Variants in ADGRE2 observed in about 807,000 individuals in gnomAD.
The protein encoded by ADGRE2 is CD97 antigen.
In ADGRE2, 83 loss-of-function variants were observed where a neutral mutation model predicts 100.8. The ratio of observed to expected loss-of-function variants is 0.82; its 90% CI spans 0.69 to 0.99. The LOEUF is 0.99. ADGRE2 is among the 50% of genes least tolerant of loss of function. The pLI is 0.00. For synonymous variants in ADGRE2, 355 were observed against 413.0 expected (o/e 0.86, Z 1.70); for missense variants, 814 against 1,035.7 (o/e 0.79, Z 2.94).
chr19:14,768,154 G>T (rs2044061808), intron 5 of ADGRE2, among the ~76,000 whole-genome samples: 1 of 152,180 alleles, frequency 6.6e-6, no homozygotes, highest in African/African-American at 2.4e-5. Context: ...CTAGCAGGAT[G>T]GTGCTCTCCC....
At position 14,755,830 on chromosome 19, in the gene ADGRE2, G is replaced by A; in HGVS notation, c.1240C>T (p.Leu414=). 6.2e-7 allele frequency: 1 copy of A among 1,614,200 alleles called. No homozygotes were observed. The highest frequency in any genetic ancestry group is 8.5e-7 in the Non-Finnish European group (1 of 1,180,046). The stretch of plus-strand genomic sequence containing the variant: ...TCCAGGACCAGAGGGGCCTCAGCCA[G>A]CAACTTGCCCATCCCTGGAATGGAG... ...LVSIPGMGKL[L]AEAPLVLEPE... is the part of the protein sequence containing the mutation. Residue 414 remains leucine, a synonymous_variant, in exon 13 of 21, where the codon CTG becomes TTG. Coordinates refer to ENST00000315576, the MANE Select transcript of ADGRE2 (RefSeq NM_013447.4).
At chr19:14,739,455 C>T (rs912328985) in intron 20 of ADGRE2, among the ~76,000 whole-genome samples, 1 of 152,204 alleles carries the variant, frequency 6.6e-6, no homozygotes, top group South Asian at 2.1e-4. Flanking sequence ...TAATTCCCTA[C>T]ACAAAAGTAC....
chr19:14,770,683 T>C lies in ADGRE2; in HGVS notation c.355+1659A>G, dbSNP rs1371855445. 2.6e-3 allele frequency among the ~76,000 whole-genome samples: 331 copies of C among 127,488 alleles called. 24 individuals are homozygous for C. Among genetic ancestry groups the C allele is most frequent in the African/African-American group, 8.9e-3 (302 of 34,034 alleles). 83.6% of individuals were successfully genotyped at this position (127,488 alleles called of 152,430 possible). ...TTCTTTCTTTTCTTTTTTTTTTTTT[T>C]TTTTTTTTTTTTTTGAGACAAAGTC... is the stretch of plus-strand genomic sequence containing the variant. On this transcript the variant is annotated intron_variant, in intron 5 of 20. Coordinates refer to ENST00000315576, the MANE Select transcript of ADGRE2 (RefSeq NM_013447.4).
Position 14,736,158 on chromosome 19 carries a change from T to C in ADGRE2, c.*78A>G, listed in dbSNP as rs2042740708. ...TTGAAACACACAGAACAAAGTCTTT[T>C]CTTTCCCCTCTAGATGGCTCAAAGA... is the stretch of plus-strand genomic sequence containing the variant. On this transcript the variant is annotated 3_prime_UTR_variant, in exon 21 of 21. Coordinates refer to ENST00000315576, the MANE Select transcript of ADGRE2 (RefSeq NM_013447.4). 2.9e-6 allele frequency: 4 copies of C among 1,356,210 alleles called. No individual in the cohort carries two copies. In the South Asian group the frequency reaches 4.9e-5, roughly 16 times the overall value. The allele number at this position is 1,356,210 out of a possible 1,614,324, so 84.0% of individuals were successfully genotyped here.
intron 7 of ADGRE2, 37 bp from the exon 8 acceptor site, chr19:14,765,841 G>A (rs1220745263): frequency 5.6e-6 from 9 of 1,611,520 alleles, no homozygotes; most frequent in African/African-American, 2.7e-5. Context: ...TCCTGTCCCA[G>A]CCTGGAGAGG....
At chr19:14,758,218 G>C (rs567475883) in intron 11 of ADGRE2, among the ~76,000 whole-genome samples, 16 of 152,148 alleles carry the variant, frequency 1.1e-4, no homozygotes, top group Non-Finnish European at 2.1e-4. Flanking sequence ...GAAAAGACAA[G>C]AAAATGAAAA....
At chr19:14,756,199 A>G in intron 12 of ADGRE2, 39 bp downstream of exon 12, 3 of 1,414,874 alleles carry the variant, frequency 2.1e-6, no homozygotes, top group South Asian at 2.3e-5. Flanking sequence ...TTTTCCCACC[A>G]TGAAGCTTCA....
At position 14,763,819 on chromosome 19, in the gene ADGRE2, C is replaced by T. The variant is rs201830413; in HGVS notation, c.1084+614G>A. Among the ~76,000 whole-genome samples, 5 of 95,284 alleles carry T rather than the reference C, an allele frequency of 5.2e-5. No individual in the cohort carries two copies. The South Asian group carries it at 1.4e-3, about 26-fold the overall frequency. 62.5% of individuals were successfully genotyped at this position (95,284 alleles called of 152,430 possible). ...CCTCTCTTTCTCCATTCCTCCTCTT[C>T]CTCCTCTCCTCCTCCTTCTCTCCTC... is the stretch of plus-strand genomic sequence containing the variant. On this transcript the variant is annotated intron_variant, in intron 11 of 20. Coordinates refer to ENST00000315576, the MANE Select transcript of ADGRE2 (RefSeq NM_013447.4).
chr19:14,770,903 C>T (rs2044182216), intron 5 of ADGRE2, among the ~76,000 whole-genome samples: 1 of 152,008 alleles, frequency 6.6e-6, no homozygotes, highest in Non-Finnish European at 1.5e-5. Flanking sequence ...TGGTCTTGAA[C>T]TCCTGACCTC....
At chr19:14,738,696 A>G (rs1251916024) in intron 20 of ADGRE2, among the ~76,000 whole-genome samples, 1 of 151,982 alleles carries the variant, frequency 6.6e-6, no homozygotes. Context: ...TTTTTTCCAT[A>G]TCTTTTCCAT....
intron 7 of ADGRE2, 99 bp from the exon 8 acceptor site, chr19:14,765,903 C>A (rs1401848335): frequency 1.2e-6 from 2 of 1,603,328 alleles, no homozygotes; most frequent in Admixed American, 1.7e-5. Context: ...ATTAGTGCCC[C>A]CCTTGGAGAG....
chr19:14,759,403 TTC>T (rs931883869), intron 11 of ADGRE2, among the ~76,000 whole-genome samples: 1 of 151,904 alleles, frequency 6.6e-6, no homozygotes, highest in Non-Finnish European at 1.5e-5. Context: ...CCTAAATAAT[TTC>T]TTTTTCACTC....
downstream of ADGRE2, among the ~76,000 whole-genome samples, chr19:14,727,472 C>T (rs1269515881): frequency 6.6e-6 from 1 of 152,086 alleles, no homozygotes; most frequent in Admixed American, 6.6e-5. Flanking sequence ...ATAGTGAGAC[C>T]AGGAGCAAGA....
rs149806083 is a variant in ADGRE2 at position 14,773,850 on chromosome 19, C to A, written c.199+88G>T. 1,070 of 1,179,706 alleles carry A rather than the reference C, an allele frequency of 9.1e-4. 6 individuals are homozygous for A. In the East Asian group the frequency reaches 0.012, roughly 13 times the overall value. The allele number at this position is 1,179,706 out of a possible 1,614,324, so 73.1% of individuals were successfully genotyped here. Reference sequence around the variant, plus strand: ...GATAGTCTGGAAGGTAAGGCTGTGGCCCCTCACAACAACCTCTGTCCCCCA... The same window carrying A: ...GATAGTCTGGAAGGTAAGGCTGTGGACCCTCACAACAACCTCTGTCCCCCA... On this transcript the variant is annotated intron_variant, in intron 4 of 20. Transcript: ENST00000315576.
chr19:14,751,521 T>C lies in ADGRE2; in HGVS notation c.1939A>G (p.Met647Val). The C allele has an allele frequency of 1.2e-6, 2 of 1,613,870 alleles. No individual in the cohort carries two copies. The highest frequency in any genetic ancestry group is 2.7e-5 in the African/African-American group (2 of 74,986). Residue 647 changes from methionine (M) to valine (V), a missense_variant, in exon 16 of 21, where the codon ATG becomes GTG. By Grantham distance (21) the Met-to-Val change is conservative. Around this residue, in one of 5 missense-constraint regions of ADGRE2, gnomAD observed 569 missense variants for 692.7 expected, o/e 0.82. Transcript: ENST00000315576. ...SSINRFMKKL[M>V]FPVGYGVPAV... ...GGGACTCCGTAGCCCACAGGGAACA[T>C]GAGCTTCTTCATGAATCTGTTGATG...
At chr19:14,776,976 GCACA>G (rs58154734) in intron 1 of ADGRE2, 49 bp from the exon 2 acceptor site, 189,469 of 1,012,932 alleles carry the variant, frequency 0.19, 6,851 homozygotes, top group South Asian at 0.27. Context: ...CAGGGGCGCT[GCACA>G]CACACACACA....
chr19:14,744,782 A>T (rs2043036611), intron 18 of ADGRE2, among the ~76,000 whole-genome samples: 1 of 151,464 alleles, frequency 6.6e-6, no homozygotes, highest in Non-Finnish European at 1.5e-5. Context: ...GTTGATTAGG[A>T]TTTTCCCAGA....
chr19:14,756,183 G>A, intron 12 of ADGRE2, 55 bp downstream of exon 12: 1 of 1,270,856 alleles, frequency 7.9e-7, no homozygotes, highest in East Asian at 2.3e-5. Context: ...CACATTCTTG[G>A]GCATCTTTTC....
At chr19:14,746,354 A>T in intron 17 of ADGRE2, 31 bp from the exon 18 acceptor site, 3 of 1,208,136 alleles carry the variant, frequency 2.5e-6, no homozygotes, top group African/African-American at 1.6e-5. Context: ...TTTGTTGAAT[A>T]GATTTTGAAA....
Sources: gnomAD v4.1 joint callset for allele counts (sites outside exome capture counted in the v4.1 genomes callset) on GRCh38, gnomAD v4.1.1 for gene constraint, gnomAD v4.1.1 regional missense constraint, MANE v1.5 for transcripts, NCBI Gene and HGNC (gene_info 2026-07-23, HGNC 2026-07-21) for gene names.